Variants in KDM7A observed in about 807,000 individuals in gnomAD.
The protein encoded by KDM7A is lysine demethylase 7A.
In KDM7A, 28 loss-of-function variants were observed where a neutral mutation model predicts 114.8. That is an observed-to-expected ratio of 0.24 (90% confidence interval 0.18 to 0.33). The LOEUF (loss-of-function observed/expected upper bound fraction) is 0.33, where lower values mean the gene tolerates loss of function less well. KDM7A is among the 10% of genes least tolerant of loss of function. The pLI, the probability that KDM7A is intolerant of heterozygous loss-of-function variation, is 1.00. For missense variants in KDM7A, 942 were observed against 1,142.5 expected (o/e 0.82, Z 2.53); for synonymous variants, 423 against 397.8 (o/e 1.06, Z -0.75).
At chr7:140,092,797 AG>A (rs1031506031) in intron 18 of KDM7A, among the ~76,000 whole-genome samples, 2 of 152,250 alleles carry the variant, frequency 1.3e-5, no homozygotes, top group Non-Finnish European at 2.9e-5. Flanking sequence ...AATTATAAAA[AG>A]AACAGCCAGA....
chr7:140,123,519 A>C (rs1818647645), intron 7 of KDM7A, among the ~76,000 whole-genome samples: 1 of 152,216 alleles, frequency 6.6e-6, no homozygotes, highest in South Asian at 2.1e-4. Flanking sequence ...AGAAGTACTC[A>C]GATTTCACAT....
chr7:140,128,707 G>C (rs1818744011), intron 4 of KDM7A, among the ~76,000 whole-genome samples: 1 of 152,154 alleles, frequency 6.6e-6, no homozygotes, highest in Non-Finnish European at 1.5e-5. Flanking sequence ...TCGATAAAGG[G>C]ACAAGTTCTC....
chr7:140,090,474 T>C lies in KDM7A; in HGVS notation c.*620A>G, dbSNP rs1332796054. On this transcript the variant is annotated 3_prime_UTR_variant, in exon 20 of 20. Transcript: ENST00000397560. ...AAGCTAATAGCTTATAAAAAACACA[T>C]GAAATATATAAAATAAAATGATTTT... 6.6e-6 allele frequency: 1 copy of C among 152,154 alleles called. No individual in the cohort carries two copies. The highest frequency in any genetic ancestry group is 1.5e-5 in the Non-Finnish European group (1 of 68,024). 9.4% of individuals were successfully genotyped at this position (152,154 alleles called of 1,614,324 possible).
intron 1 of KDM7A, among the ~76,000 whole-genome samples, chr7:140,145,661 C>T (rs1266319634): frequency 6.6e-6 from 1 of 152,190 alleles, no homozygotes; most frequent in African/African-American, 2.4e-5. Flanking sequence ...AGGTACTATA[C>T]TCCCACCAAA....
At chr7:140,110,444 T>C (rs1818412699) in intron 11 of KDM7A, among the ~76,000 whole-genome samples, 1 of 152,180 alleles carries the variant, frequency 6.6e-6, no homozygotes, top group Admixed American at 6.5e-5. Context: ...AATGTATACC[T>C]CTTTCCATTC....
At chr7:140,113,740 C>T (rs1333041589) in intron 9 of KDM7A, among the ~76,000 whole-genome samples, 158 bp from the exon 10 acceptor site, 1 of 151,924 alleles carries the variant, frequency 6.6e-6, no homozygotes, top group Non-Finnish European at 1.5e-5. Context: ...TTCAAAAAGA[C>T]AATAAAGAAA....
At chr7:140,123,462 C>T (rs1226817638) in intron 7 of KDM7A, among the ~76,000 whole-genome samples, 1 of 152,250 alleles carries the variant, frequency 6.6e-6, no homozygotes, top group African/African-American at 2.4e-5. Context: ...AATGGATAAA[C>T]AAAATACGGT....
intron 11 of KDM7A, among the ~76,000 whole-genome samples, chr7:140,103,450 T>C (rs1392283849): frequency 3.1e-5 from 4 of 128,234 alleles, no homozygotes; most frequent in Non-Finnish European, 3.5e-5. Flanking sequence ...CTCCTAATGT[T>C]ATCCCTCCCC....
intron 1 of KDM7A, among the ~76,000 whole-genome samples, chr7:140,162,748 G>A (rs947480463): frequency 2.6e-5 from 4 of 152,002 alleles, no homozygotes; most frequent in Admixed American, 1.3e-4. Flanking sequence ...CCAAATGCTC[G>A]CCAAGAATAA....
chr7:140,163,612 T>A (rs1412660747), intron 1 of KDM7A, among the ~76,000 whole-genome samples: 1 of 152,090 alleles, frequency 6.6e-6, no homozygotes, highest in Admixed American at 6.6e-5. Context: ...TTTTGTTCTA[T>A]TTTTCTGTTT....
In KDM7A at chr7:140,087,366, C is replaced by A. The variant is rs1817944424; in HGVS notation, c.*3728G>T. ...TCACTCTCTTATCCATAAACAACTT[C>A]ATTTTTCTTCCACTTCAAGCACGAA... On this transcript the variant is annotated 3_prime_UTR_variant, in exon 20 of 20. Coordinates refer to ENST00000397560, the MANE Select transcript of KDM7A (RefSeq NM_030647.2). The A allele has an allele frequency of 6.6e-6, 1 of 152,212 alleles. No individual in the cohort carries two copies. Among genetic ancestry groups the A allele is most frequent in the Admixed American group, 6.5e-5 (1 of 15,284 alleles). 9.4% of individuals were successfully genotyped at this position (152,212 alleles called of 1,614,324 possible).
At chr7:140,154,420 G>A (rs1177564238) in intron 1 of KDM7A, among the ~76,000 whole-genome samples, 2 of 151,192 alleles carry the variant, frequency 1.3e-5, no homozygotes, top group African/African-American at 4.9e-5. Flanking sequence ...CTTGAGCCCG[G>A]GAGTTTGAGG....
intron 11 of KDM7A, among the ~76,000 whole-genome samples, chr7:140,103,306 CT>C (rs35185351): frequency 0.27 from 39,283 of 148,086 alleles, 5,327 homozygotes; most frequent in Middle Eastern, 0.31. Flanking sequence ...TCAGCATTTC[CT>C]TTTTTTTTTT....
At chr7:140,131,259 A>G (rs1818782092) in intron 3 of KDM7A, among the ~76,000 whole-genome samples, 1 of 152,174 alleles carries the variant, frequency 6.6e-6, no homozygotes, top group Non-Finnish European at 1.5e-5. Context: ...CAGGCATTAC[A>G]TTAACATAAG....
intron 3 of KDM7A, among the ~76,000 whole-genome samples, chr7:140,131,980 T>C (rs1207524348): frequency 1.3e-5 from 2 of 152,126 alleles, no homozygotes; most frequent in Admixed American, 6.5e-5. Flanking sequence ...AAAAGGCAAA[T>C]TGTACAACAC....
At chr7:140,112,732 C>T (rs1032895418) in intron 10 of KDM7A, among the ~76,000 whole-genome samples, 3 of 152,068 alleles carry the variant, frequency 2.0e-5, no homozygotes, top group African/African-American at 7.2e-5. Flanking sequence ...AAAGACAGTC[C>T]CTGTTCAAGA....
rs6950119 is a variant in KDM7A, at chr7:140,097,631, G to C, written c.1930C>G (p.Arg644Gly). 7 of 1,574,740 alleles carry C rather than the reference G, an allele frequency of 4.4e-6. No homozygotes were observed. Among genetic ancestry groups the C allele is most frequent in the Non-Finnish European group, 6.1e-6 (7 of 1,145,670 alleles). ...SQKPLNGFFT[R>G]VKSELRSRSS... ...CTACTCCTGAGTTCTGATTTCACACGTGTAAAAAACCCTGAAAAAGAATGA... is the reference window on the plus strand; with the variant it reads ...CTACTCCTGAGTTCTGATTTCACACCTGTAAAAAACCCTGAAAAAGAATGA... Residue 644 changes from arginine to glycine, a missense_variant, in exon 15 of 20, where the codon CGT becomes GGT. Coordinates refer to ENST00000397560, the MANE Select transcript of KDM7A (RefSeq NM_030647.2).
At chr7:140,126,931 G>A in intron 5 of KDM7A, 108 bp from the exon 6 acceptor site, 1 of 799,350 alleles carries the variant, frequency 1.3e-6, no homozygotes, top group Non-Finnish European at 2.0e-6. Flanking sequence ...GGAACTTAAG[G>A]TTAACAACAA....
intron 6 of KDM7A, among the ~76,000 whole-genome samples, chr7:140,126,351 G>GA (rs999927341): frequency 4.6e-5 from 7 of 150,660 alleles, no homozygotes; most frequent in East Asian, 3.9e-4. Context: ...TTAACTAGGG[G>GA]AAAAAAAATC....
Sources: gnomAD v4.1 joint callset for allele counts (sites outside exome capture counted in the v4.1 genomes callset) on GRCh38, gnomAD v4.1.1 for gene constraint, MANE v1.5 for transcripts, NCBI Gene and HGNC (gene_info 2026-07-23, HGNC 2026-07-21) for gene names.